The following SLC15A1 variants were observed in gnomAD, a reference collection of about 807,000 sequenced individuals.
SLC15A1 encodes the protein solute carrier family 15 member 1.
A neutral mutation model predicts 92.9 loss-of-function variants in SLC15A1; 83 were observed. That is an observed-to-expected ratio of 0.89 (90% confidence interval 0.75 to 1.07). The LOEUF is 1.07. Ranked by LOEUF, SLC15A1 falls within the 50% of genes least tolerant of loss-of-function variation. SLC15A1 has a pLI of 0.00. For missense variants in SLC15A1, 857 were observed against 880.1 expected, an observed-to-expected ratio of 0.97 and a Z score of 0.33; for synonymous variants, 322 against 318.2, an observed-to-expected ratio of 1.01 and a Z score of -0.13.
chr13:98,735,086 A>G (rs1304083296), intron 1 of SLC15A1, among the ~76,000 whole-genome samples: 4 of 152,198 alleles, frequency 2.6e-5, no homozygotes, highest in Non-Finnish European at 5.9e-5. Flanking sequence ...AATCCTCAAT[A>G]AAATAAAATA....
At chr13:98,752,559 C>G (rs764486540) in intron 1 of SLC15A1, 36 bp downstream of exon 1, 86 of 1,269,896 alleles carry the variant, frequency 6.8e-5, no homozygotes, top group Non-Finnish European at 8.3e-5. Flanking sequence ...AGCTCCGAGT[C>G]TTTAGCCCGG....
chr13:98,695,901 C>T (rs1483164790), intron 18 of SLC15A1, among the ~76,000 whole-genome samples: 1 of 152,102 alleles, frequency 6.6e-6, no homozygotes, highest in East Asian at 1.9e-4. Context: ...TATTTTCTGA[C>T]ACCAGTTTTC....
intron 4 of SLC15A1, 77 bp from the exon 5 acceptor site, chr13:98,724,108 C>T: frequency 6.4e-7 from 1 of 1,571,882 alleles, no homozygotes; most frequent in South Asian, 1.2e-5. Context: ...ACAAAAGACC[C>T]CCTCCTTGAA....
At chr13:98,713,463 TCAAA>T (rs2088184070) in intron 9 of SLC15A1, among the ~76,000 whole-genome samples, 1 of 152,214 alleles carries the variant, frequency 6.6e-6, no homozygotes, top group South Asian at 2.1e-4. Flanking sequence ...CTAAGTTGTT[TCAAA>T]CATACTTAAA....
At chr13:98,695,433 C>T (rs1178104829) in intron 18 of SLC15A1, among the ~76,000 whole-genome samples, 2 of 152,112 alleles carry the variant, frequency 1.3e-5, no homozygotes, top group African/African-American at 4.8e-5. Context: ...CACTCTGTCG[C>T]CCAGGCTGGA....
chr13:98,713,751 A>G (rs1265021122), intron 9 of SLC15A1, among the ~76,000 whole-genome samples: 1 of 152,170 alleles, frequency 6.6e-6, no homozygotes, highest in East Asian at 1.9e-4. Context: ...AGCGTGATCG[A>G]AAGGCAGTAA....
chr13:98,716,209 A>G (rs1438767683), intron 8 of SLC15A1, among the ~76,000 whole-genome samples: 4 of 152,220 alleles, frequency 2.6e-5, no homozygotes, highest in African/African-American at 9.6e-5. Context: ...TACTTCCCAT[A>G]GCTTAAGGTA....
chr13:98,719,641 T>C (rs1048263688), intron 7 of SLC15A1, among the ~76,000 whole-genome samples: 3 of 152,200 alleles, frequency 2.0e-5, no homozygotes, highest in Non-Finnish European at 4.4e-5. Context: ...CTTGATTATA[T>C]GGGACTCAGT....
intron 1 of SLC15A1, among the ~76,000 whole-genome samples, chr13:98,746,076 T>C (rs2088490799): frequency 6.6e-6 from 1 of 152,156 alleles, no homozygotes; most frequent in Non-Finnish European, 1.5e-5. Flanking sequence ...CCCCTCTGTG[T>C]CTTTGTGTTC....
intron 3 of SLC15A1, 21 bp from the exon 4 acceptor site, chr13:98,726,285 A>G (rs2088299190): frequency 6.2e-7 from 1 of 1,613,726 alleles, no homozygotes; most frequent in Admixed American, 1.7e-5. Flanking sequence ...GGGCAGGTGG[A>G]AGAGGAGGGG....
At chr13:98,751,823 T>G (rs1364669044) in intron 1 of SLC15A1, among the ~76,000 whole-genome samples, 1 of 152,238 alleles carries the variant, frequency 6.6e-6, no homozygotes. Flanking sequence ...CCACATCTTC[T>G]GCAAAATGCT....
Position 98,684,563 on chromosome 13 carries a change from AAAAAAG to A in SLC15A1, c.*155_*160del. The A allele has an allele frequency of 2.2e-6, 1 of 461,786 alleles. No individual in the cohort carries two copies. 28.6% of individuals were successfully genotyped at this position (461,786 alleles called of 1,614,324 possible). On this transcript the variant is annotated 3_prime_UTR_variant, in exon 23 of 23. Transcript: ENST00000376503. ...TCTGTCTCAAAAAAAAAAAAAAAAA[AAAAAAG>A]AAAAGAAAAAGAAAAAAGAAAATAG...
chr13:98,686,619 C>A (rs1401330016), intron 21 of SLC15A1, among the ~76,000 whole-genome samples: 2 of 152,146 alleles, frequency 1.3e-5, no homozygotes, highest in Admixed American at 6.6e-5. Flanking sequence ...CATAGTCTTC[C>A]CCTCAAATGC....
chr13:98,729,958 C>T (rs2088334118), intron 1 of SLC15A1, among the ~76,000 whole-genome samples: 2 of 152,030 alleles, frequency 1.3e-5, no homozygotes. Context: ...CGTGGTAGCT[C>T]ACACCTCCAT....
chr13:98,734,714 T>C (rs867212356), intron 1 of SLC15A1, among the ~76,000 whole-genome samples: 7 of 152,216 alleles, frequency 4.6e-5, no homozygotes, highest in Non-Finnish European at 2.9e-5. Context: ...AACACCTCTA[T>C]GCAAATAAAC....
chr13:98,710,344 T>C (rs2088151645), intron 11 of SLC15A1, among the ~76,000 whole-genome samples: 1 of 152,158 alleles, frequency 6.6e-6, no homozygotes, highest in African/African-American at 2.4e-5. Context: ...TGGCTGCACC[T>C]AGATCTCCAT....
chr13:98,709,379 G>T (rs1042038329), intron 14 of SLC15A1, among the ~76,000 whole-genome samples, 193 bp downstream of exon 14: 3 of 152,190 alleles, frequency 2.0e-5, no homozygotes, highest in African/African-American at 7.2e-5. Flanking sequence ...GGCCTTTTCA[G>T]GCTGTCAATC....
chr13:98,720,317 T>C (rs546160498), intron 7 of SLC15A1, among the ~76,000 whole-genome samples: 9 of 152,306 alleles, frequency 5.9e-5, no homozygotes, highest in Non-Finnish European at 1.5e-5. Context: ...AACTTCCTTT[T>C]AAAAAATTAT....
intron 1 of SLC15A1, among the ~76,000 whole-genome samples, chr13:98,741,751 C>T (rs931419789): frequency 6.7e-6 from 1 of 149,942 alleles, no homozygotes; most frequent in East Asian, 2.0e-4. Flanking sequence ...AAAAGGCCTC[C>T]TTTTCCACGG....
Sources: gnomAD v4.1 joint callset for allele counts (sites outside exome capture counted in the v4.1 genomes callset) on GRCh38, gnomAD v4.1.1 for gene constraint, MANE v1.5 for transcripts, NCBI Gene and HGNC (gene_info 2026-07-23, HGNC 2026-07-21) for gene names.